Variants in FYN observed in about 807,000 individuals in gnomAD.
FYN encodes the protein FYN proto-oncogene, Src family tyrosine kinase, also known as tyrosine-protein kinase Fyn.
In FYN, 10 loss-of-function variants were observed where a neutral mutation model predicts 70.2. The ratio of observed to expected loss-of-function variants is 0.14; its 90% CI spans 0.09 to 0.24. The LOEUF is 0.24. Among genes scored for constraint, FYN ranks in the 10% least tolerant of loss-of-function variants. The pLI is 1.00. For synonymous variants in FYN, 236 were observed against 248.6 expected, an observed-to-expected ratio of 0.95 and a Z score of 0.48; for missense variants, 319 against 673.1, an observed-to-expected ratio of 0.47 and a Z score of 5.82.
chr6:111,792,634 GAACA>G (rs1387864499), intron 2 of FYN, among the ~76,000 whole-genome samples: 1 of 152,194 alleles, frequency 6.6e-6, no homozygotes, highest in East Asian at 1.9e-4. Flanking sequence ...CAATGAAAAT[GAACA>G]AACTACTACT....
chr6:111,732,756 T>C (rs1226564518), intron 3 of FYN, among the ~76,000 whole-genome samples: 1 of 152,208 alleles, frequency 6.6e-6, no homozygotes, highest in Non-Finnish European at 1.5e-5. Flanking sequence ...TCCTGCTTCC[T>C]GTGGGCTGGG....
intron 2 of FYN, among the ~76,000 whole-genome samples, chr6:111,819,318 A>C (rs1273787767): frequency 6.6e-6 from 1 of 152,242 alleles, no homozygotes; most frequent in Non-Finnish European, 1.5e-5. Flanking sequence ...TCTGTAAACT[A>C]CAGTACATCT....
At chr6:111,774,036 T>G (rs890978497) in intron 3 of FYN, among the ~76,000 whole-genome samples, 14 of 152,244 alleles carry the variant, frequency 9.2e-5, no homozygotes, top group African/African-American at 3.4e-4. Context: ...GATGCGAGGC[T>G]GTGGGCCGAG....
chr6:111,780,276 G>C (rs1017974834), intron 3 of FYN, among the ~76,000 whole-genome samples: 4 of 152,092 alleles, frequency 2.6e-5, no homozygotes, highest in African/African-American at 4.8e-5. Context: ...TATATGGCTG[G>C]CTTAGCACAT....
intron 3 of FYN, among the ~76,000 whole-genome samples, chr6:111,733,747 G>A (rs974968710): frequency 8.5e-5 from 13 of 152,188 alleles, no homozygotes; most frequent in African/African-American, 9.7e-5. Flanking sequence ...GGCACAAAGC[G>A]TGTCACTCTG....
intron 12 of FYN, among the ~76,000 whole-genome samples, chr6:111,681,460 C>T (rs769373087): frequency 6.6e-6 from 1 of 152,196 alleles, no homozygotes; most frequent in Admixed American, 6.5e-5. Flanking sequence ...CGTGCCTGAC[C>T]TAACTTGGTT....
chr6:111,785,574 T>C lies in FYN; in HGVS notation c.-81-4939A>G, dbSNP rs756171819. 2.0e-5 allele frequency among the ~76,000 whole-genome samples: 3 copies of C among 152,282 alleles called. No individual in the cohort carries two copies. The East Asian group carries it at 5.8e-4, about 29-fold the overall frequency. On this transcript the variant is annotated intron_variant, in intron 2 of 13. Coordinates refer to ENST00000354650, the MANE Select transcript of FYN (RefSeq NM_002037.5). ...GGAAGGATTTAGCAGCCCAACCCTATGCTTTACAGGGAGAAAACGGGTCCA... is the reference window on the plus strand; with the variant it reads ...GGAAGGATTTAGCAGCCCAACCCTACGCTTTACAGGGAGAAAACGGGTCCA...
intron 2 of FYN, among the ~76,000 whole-genome samples, chr6:111,836,010 C>T (rs1773174295): frequency 6.6e-6 from 1 of 152,130 alleles, no homozygotes; most frequent in Non-Finnish European, 1.5e-5. Flanking sequence ...GACACTGGTA[C>T]AGTTAAAGGG....
At chr6:111,717,600 T>C (rs1291795355) in intron 4 of FYN, among the ~76,000 whole-genome samples, 2 of 152,140 alleles carry the variant, frequency 1.3e-5, no homozygotes, top group Non-Finnish European at 2.9e-5. Flanking sequence ...TAGCTGGGAT[T>C]ACAGGCGCCC....
At chr6:111,760,225 A>G (rs1289834160) in intron 3 of FYN, among the ~76,000 whole-genome samples, 2 of 152,204 alleles carry the variant, frequency 1.3e-5, no homozygotes, top group African/African-American at 4.8e-5. Context: ...ACAGCCTGAC[A>G]AAACCCAAAT....
chr6:111,764,207 T>C (rs1341738893), intron 3 of FYN, among the ~76,000 whole-genome samples: 2 of 44,600 alleles, frequency 4.5e-5, no homozygotes, highest in Admixed American at 3.1e-4. Flanking sequence ...GTCACTGGAT[T>C]TTGTCAAGCA....
chr6:111,691,705 A>T (rs1175114600), intron 12 of FYN, among the ~76,000 whole-genome samples: 1 of 152,148 alleles, frequency 6.6e-6, no homozygotes, highest in Non-Finnish European at 1.5e-5. Flanking sequence ...CCTCATACAG[A>T]CACACTAGAA....
chr6:111,795,086 A>G (rs932568619), intron 2 of FYN, among the ~76,000 whole-genome samples: 1 of 152,246 alleles, frequency 6.6e-6, no homozygotes, highest in South Asian at 2.1e-4. Context: ...CTTTAATGAA[A>G]TACAGATAAA....
At chr6:111,739,085 A>G (rs973454419) in intron 3 of FYN, among the ~76,000 whole-genome samples, 3 of 152,064 alleles carry the variant, frequency 2.0e-5, no homozygotes, top group Non-Finnish European at 4.4e-5. Flanking sequence ...TCCTATTTTG[A>G]ACTGAAGTGA....
At chr6:111,717,502 C>T (rs973596040) in intron 4 of FYN, among the ~76,000 whole-genome samples, 6 of 151,920 alleles carry the variant, frequency 3.9e-5, no homozygotes, top group Non-Finnish European at 7.4e-5. Flanking sequence ...ACTCTTGTTG[C>T]CCAAGCTGGA....
Position 111,853,193 on chromosome 6 carries a change from G to A in FYN, c.-122-6564C>T, listed in dbSNP as rs374434517. ...AGGTGGGGAGGGGCTGGAAGACCAC[G>A]GAATCAGAATGGTTTTATGCATTGT... On this transcript the variant is annotated intron_variant, in intron 1 of 13. Coordinates refer to ENST00000354650, the MANE Select transcript of FYN (RefSeq NM_002037.5). Among the ~76,000 whole-genome samples the A allele has an allele frequency of 5.7e-4, 87 of 152,242 alleles. 1 individual carries two copies. Among genetic ancestry groups the A allele is most frequent in the African/African-American group, 2.0e-3 (83 of 41,536 alleles).
At chr6:111,826,115 G>A (rs1772826809) in intron 2 of FYN, among the ~76,000 whole-genome samples, 1 of 152,146 alleles carries the variant, frequency 6.6e-6, no homozygotes, top group Non-Finnish European at 1.5e-5. Context: ...AGGGAGGAGT[G>A]AAGACGCCAG....
intron 2 of FYN, among the ~76,000 whole-genome samples, chr6:111,802,546 C>T (rs1772022282): frequency 1.3e-5 from 2 of 152,070 alleles, no homozygotes. Context: ...GATTCTCCTG[C>T]TTCAGCCTCC....
At chr6:111,673,296 C>T (rs184392174) in intron 13 of FYN, among the ~76,000 whole-genome samples, 10 of 152,150 alleles carry the variant, frequency 6.6e-5, no homozygotes, top group African/African-American at 1.4e-4. Flanking sequence ...CAGCAGTCAC[C>T]GCAGCATCAA....
Sources: gnomAD v4.1 joint callset for allele counts (sites outside exome capture counted in the v4.1 genomes callset) on GRCh38, gnomAD v4.1.1 for gene constraint, MANE v1.5 for transcripts, NCBI Gene and HGNC (gene_info 2026-07-23, HGNC 2026-07-21) for gene names.